The following KAZN variants were observed in gnomAD, a reference collection of about 807,000 sequenced individuals.
The protein encoded by KAZN is kazrin.
KAZN carries 40 observed loss-of-function variants against 87.4 expected under a neutral mutation model. That is an observed-to-expected ratio of 0.46 (90% CI 0.36 to 0.60). The LOEUF is 0.60. KAZN is among the 20% of genes least tolerant of loss of function. The probability of loss-of-function intolerance (pLI) is 0.00; values close to 1 mark genes in which losing one functional copy is unlikely to be tolerated. For missense variants in KAZN, 898 were observed against 1,073.9 expected, an observed-to-expected ratio of 0.84 and a Z score of 2.29; for synonymous variants, 466 against 458.3, an observed-to-expected ratio of 1.02 and a Z score of -0.22.
chr1:13,938,893 G>T (rs1284446625), intron 1 of KAZN, among the ~76,000 whole-genome samples: 2 of 152,222 alleles, frequency 1.3e-5, no homozygotes, highest in Non-Finnish European at 2.9e-5. Context: ...GGGGTCCTTT[G>T]AGCAACAGCT....
intron 2 of KAZN, among the ~76,000 whole-genome samples, chr1:14,245,334 A>G (rs138850588): frequency 2.6e-5 from 4 of 152,122 alleles, no homozygotes; most frequent in Non-Finnish European, 4.4e-5. Context: ...AAAAGAGTGA[A>G]TTTGTGTCCA....
intron 2 of KAZN, among the ~76,000 whole-genome samples, chr1:14,315,697 A>G (rs1048249584): frequency 3.3e-5 from 5 of 151,988 alleles, no homozygotes; most frequent in Non-Finnish European, 7.4e-5. Flanking sequence ...GCATGTTTTT[A>G]AAGATTTATC....
chr1:14,276,766 A>G (rs1243097857), intron 2 of KAZN, among the ~76,000 whole-genome samples: 1 of 152,210 alleles, frequency 6.6e-6, no homozygotes, highest in Admixed American at 6.5e-5. Flanking sequence ...ATAAGCTCAC[A>G]TTCACAGGTA....
At chr1:13,896,839 G>A (rs1254745786) in intron 1 of KAZN, among the ~76,000 whole-genome samples, 2 of 152,216 alleles carry the variant, frequency 1.3e-5, no homozygotes, top group African/African-American at 4.8e-5. Flanking sequence ...GCTTAAAGAG[G>A]TGGGAATGGG....
At chr1:14,470,485 C>G (rs940763060) in intron 2 of KAZN, among the ~76,000 whole-genome samples, 1 of 152,138 alleles carries the variant, frequency 6.6e-6, no homozygotes, top group Non-Finnish European at 1.5e-5. Flanking sequence ...CTGGTCATGT[C>G]AATTACAGTG....
chr1:13,929,644 A>G (rs1196254633), intron 1 of KAZN, among the ~76,000 whole-genome samples: 1 of 152,172 alleles, frequency 6.6e-6, no homozygotes, highest in Non-Finnish European at 1.5e-5. Flanking sequence ...GAGATAAAAT[A>G]TGTGAACTAA....
At chr1:14,235,901 G>A (rs1648378520) in intron 2 of KAZN, among the ~76,000 whole-genome samples, 1 of 152,122 alleles carries the variant, frequency 6.6e-6, no homozygotes, top group African/African-American at 2.4e-5. Context: ...CACAGGAGCA[G>A]CTTTTTGGGT....
intron 1 of KAZN, among the ~76,000 whole-genome samples, chr1:14,916,716 A>C (rs1657853249): frequency 1.3e-5 from 2 of 152,062 alleles, no homozygotes; most frequent in Non-Finnish European, 1.5e-5. Context: ...AGTTTGCGGC[A>C]GCTTGGGCAA....
intron 1 of KAZN, among the ~76,000 whole-genome samples, chr1:13,995,965 A>T (rs1326978105): frequency 6.6e-6 from 1 of 152,204 alleles, no homozygotes; most frequent in East Asian, 1.9e-4. Context: ...AAAGAACCAT[A>T]ATAAGTGAAA....
At chr1:13,952,693 G>A (rs1296619499) in intron 1 of KAZN, among the ~76,000 whole-genome samples, 2 of 152,050 alleles carry the variant, frequency 1.3e-5, no homozygotes, top group Non-Finnish European at 2.9e-5. Flanking sequence ...AAGTCAACCT[G>A]TGTGCACACA....
In KAZN at chr1:14,175,631, A is replaced by G. The variant is rs75179652; in HGVS notation, c.92-4804A>G. ...ACGCAAAAGAAAGAAACAAGTTGTAATAGATGCAGTTTGAGAACCCCAAAT... is the reference window on the plus strand; with the variant it reads ...ACGCAAAAGAAAGAAACAAGTTGTAGTAGATGCAGTTTGAGAACCCCAAAT... On this transcript the variant is annotated intron_variant, in intron 1 of 16. Transcript: ENST00000636203. Among the ~76,000 whole-genome samples the G allele has an allele frequency of 1.7e-3, 257 of 152,338 alleles. 2 individuals carry two copies. The highest frequency in any genetic ancestry group is 5.9e-3 in the African/African-American group (246 of 41,578).
intron 1 of KAZN, among the ~76,000 whole-genome samples, chr1:14,044,582 C>G (rs978419787): frequency 6.6e-6 from 1 of 151,960 alleles, no homozygotes; most frequent in Non-Finnish European, 1.5e-5. Flanking sequence ...ATGAATGAAG[C>G]TTTATTATTA....
chr1:14,323,611 C>A, intron 2 of KAZN, among the ~76,000 whole-genome samples: 1 of 152,146 alleles, frequency 6.6e-6, no homozygotes, highest in East Asian at 1.9e-4. Context: ...TGCTCTGTTT[C>A]TCTGCTTTCT....
intron 2 of KAZN, among the ~76,000 whole-genome samples, chr1:14,224,112 C>A (rs1310226335): frequency 6.6e-6 from 1 of 152,054 alleles, no homozygotes; most frequent in Non-Finnish European, 1.5e-5. Context: ...CAGGGGTGAA[C>A]AACTGCCAAA....
At chr1:14,616,546 A>G (rs995869410) in intron 1 of KAZN, among the ~76,000 whole-genome samples, 13 of 152,114 alleles carry the variant, frequency 8.5e-5, no homozygotes, top group Admixed American at 6.5e-4. Context: ...GCTCCAAGCA[A>G]TGTAAATAAA....
chr1:14,936,698 C>T (rs549538582), intron 1 of KAZN, among the ~76,000 whole-genome samples: 3 of 152,308 alleles, frequency 2.0e-5, no homozygotes, highest in African/African-American at 4.8e-5. Context: ...CTGAGCAGGA[C>T]GAACCCTACT....
chr1:14,370,410 G>A (rs1660383398), intron 2 of KAZN, among the ~76,000 whole-genome samples: 2 of 152,206 alleles, frequency 1.3e-5, no homozygotes, highest in African/African-American at 4.8e-5. Flanking sequence ...ATCATTCAGG[G>A]ATCTGAGCTG....
At chr1:14,404,381 GTGC>G (rs1416565983) in intron 2 of KAZN, among the ~76,000 whole-genome samples, 1 of 152,118 alleles carries the variant, frequency 6.6e-6, no homozygotes, top group Non-Finnish European at 1.5e-5. Context: ...AATGATTTGG[GTGC>G]TGCTTTTTGT....
intron 1 of KAZN, among the ~76,000 whole-genome samples, chr1:14,637,973 G>A (rs12078810): frequency 0.072 from 10,937 of 151,996 alleles, 591 homozygotes; most frequent in African/African-American, 0.14. Flanking sequence ...CTCTCTCCCC[G>A]TCTCTGGCAG....
Sources: allele counts gnomAD v4.1 joint callset (sites outside exome capture counted in the v4.1 genomes callset), GRCh38; gene constraint gnomAD v4.1.1; transcripts MANE v1.5; gene names NCBI Gene and HGNC (gene_info 2026-07-23, HGNC 2026-07-21).